PSMC2: variants seen among roughly 807,000 people sequenced by gnomAD.
PSMC2 encodes the protein proteasome 26S subunit, ATPase 2.
PSMC2 carries 7 observed loss-of-function variants against 53.3 expected under a neutral mutation model. That is an observed-to-expected ratio of 0.13 (90% CI 0.07 to 0.25). The LOEUF is 0.25. Ranked by LOEUF, PSMC2 falls within the 10% of genes least tolerant of loss-of-function variation. PSMC2 has a pLI of 1.00. For synonymous variants in PSMC2, 169 were observed against 183.9 expected (o/e 0.92, Z 0.66); for missense variants, 241 against 544.0 (o/e 0.44, Z 5.54).
At chr7:103,354,804 A>G (rs1313445510) in intron 2 of PSMC2, 64 bp from the exon 3 acceptor site, 3 of 1,032,940 alleles carry the variant, frequency 2.9e-6, no homozygotes, top group East Asian at 4.9e-5. Context: ...AATAATTTTT[A>G]CCTGTAGTTT....
intron 1 of PSMC2, chr7:103,348,605 G>A: frequency 9.2e-7 from 1 of 1,083,690 alleles, no homozygotes; most frequent in East Asian, 2.4e-5. Flanking sequence ...ACCAAGATGG[G>A]TCACCAGAAG....
At chr7:103,356,338 C>T (rs1820031267) in intron 4 of PSMC2, among the ~76,000 whole-genome samples, 1 of 152,152 alleles carries the variant, frequency 6.6e-6, no homozygotes, top group Admixed American at 6.5e-5. Context: ...AAATGTTTCT[C>T]AGTGTATGTG....
At chr7:103,353,431 T>C (rs1734696770) in intron 1 of PSMC2, among the ~76,000 whole-genome samples, 1 of 152,152 alleles carries the variant, frequency 6.6e-6, no homozygotes, top group South Asian at 2.1e-4. Flanking sequence ...TTCAGCCTCC[T>C]GAGTAGCTGG....
upstream of PSMC2, chr7:103,347,553 G>C (rs1230528198): frequency 2.7e-6 from 2 of 727,366 alleles, no homozygotes; most frequent in East Asian, 5.5e-5. Context: ...GCGTGCCAAA[G>C]CGTTTCCCCA....
rs749655633 is a variant in PSMC2 at position 103,362,701 on chromosome 7, A to G, written c.438A>G (p.Lys146=). ...EGMRVGVDRN[K]YQIHIPLPPK... Reference sequence around the variant, plus strand: ...ACTTCCTTAGCGTGGATAGAAATAAATATCAAATTCACATTCCATTGCCTC... The same window carrying G: ...ACTTCCTTAGCGTGGATAGAAATAAGTATCAAATTCACATTCCATTGCCTC... Residue 146 remains lysine, a synonymous_variant, in exon 6 of 12, where the codon AAA becomes AAG. Coordinates refer to ENST00000292644, the MANE Select transcript of PSMC2 (RefSeq NM_002803.4). The G allele has an allele frequency of 6.2e-7, 1 of 1,605,552 alleles. No homozygotes were observed. The highest frequency in any genetic ancestry group is 1.7e-5 in the Admixed American group (1 of 59,988).
At position 103,367,844 on chromosome 7, in the gene PSMC2, T is replaced by C. The variant is rs191056314; in HGVS notation, c.1144+35T>C. Reference sequence around the variant, plus strand: ...AAGTTCTTGCTTATATTTGCTGGTCTGTCTGCTCAGGCTGCTTTAATTAAG... The same window carrying C: ...AAGTTCTTGCTTATATTTGCTGGTCCGTCTGCTCAGGCTGCTTTAATTAAG... On this transcript the variant is annotated intron_variant, in intron 11 of 11. Coordinates refer to ENST00000292644, the MANE Select transcript of PSMC2 (RefSeq NM_002803.4). This position sits in a 1 kb window ranked among gnomAD's most constrained non-coding sequence, Gnocchi z 6.1. 239 of 1,612,664 alleles carry C rather than the reference T, an allele frequency of 1.5e-4. No individual in the cohort carries two copies. In the African/African-American group the frequency reaches 2.9e-3, roughly 19 times the overall value.
At chr7:103,348,875 A>G (rs1819666398) in intron 1 of PSMC2, 2 of 514,492 alleles carry the variant, frequency 3.9e-6, no homozygotes, top group Admixed American at 3.0e-5. Flanking sequence ...AATCTTGTTT[A>G]TGTAACTTTT....
intron 1 of PSMC2, among the ~76,000 whole-genome samples, chr7:103,350,362 G>C (rs1321458128): frequency 6.6e-6 from 1 of 152,060 alleles, no homozygotes; most frequent in East Asian, 1.9e-4. Context: ...AGAAATAATT[G>C]TATTTACTTC....
chr7:103,347,770 A>G lies in PSMC2; in HGVS notation c.59A>G (p.Lys20Arg), dbSNP rs1184109527. ...ACCAAAGAGGATGAGAAGGACGACA[A>G]GCCCATCCGAGGTCAGTTGACATGG... ...RKTKEDEKDD[K>R]PIRALDEGDI... Residue 20 changes from lysine (K) to arginine (R), a missense_variant, in exon 1 of 12, where the codon AAG becomes AGG. By Grantham distance (26) the Lys-to-Arg change is conservative. Coordinates refer to ENST00000292644, the MANE Select transcript of PSMC2 (RefSeq NM_002803.4). The G allele has an allele frequency of 6.2e-7, 1 of 1,613,910 alleles. No individual in the cohort carries two copies. Among genetic ancestry groups the G allele is most frequent in the East Asian group, 2.2e-5 (1 of 44,880 alleles).
chr7:103,351,501 G>A (rs576805745), intron 1 of PSMC2, among the ~76,000 whole-genome samples: 5 of 152,190 alleles, frequency 3.3e-5, no homozygotes, highest in Non-Finnish European at 7.3e-5. Context: ...AGGCATCTCT[G>A]CCTAGAACAT....
Position 103,364,229 on chromosome 7 carries a change from G to A in PSMC2, c.678G>A (p.Ala226=), listed in dbSNP as rs750692030. ...CCGGTACAGGCAAGACACTCTGTGC[G>A]CGGGCAGTTGCTAATCGGACTGATG... ...GPPGTGKTLC[A]RAVANRTDAC... is the part of the protein sequence containing the mutation. The change falls in exon 8 of 12, where the codon GCG becomes GCA. Residue 226 remains alanine (A), a synonymous_variant. Transcript: ENST00000292644. 18 of 1,614,062 alleles carry A rather than the reference G, an allele frequency of 1.1e-5. 1 individual carries two copies. Among genetic ancestry groups the A allele is most frequent in the African/African-American group, 8.0e-5 (6 of 74,916 alleles).
rs1276465596 is a variant in PSMC2 at position 103,353,909 on chromosome 7, C to G, written c.71-12C>G. 1.9e-6 allele frequency: 3 copies of G among 1,601,594 alleles called. No individual in the cohort carries two copies. Among genetic ancestry groups the G allele is most frequent in the Non-Finnish European group, 2.6e-6 (3 of 1,172,162 alleles). Reference sequence around the variant, plus strand: ...TCTTTTTGAATCTCACGTATTGTCTCTCTTCTTTCAGCTCTGGATGAGGGG... The same window carrying G: ...TCTTTTTGAATCTCACGTATTGTCTGTCTTCTTTCAGCTCTGGATGAGGGG... On this transcript the variant is annotated splice_polypyrimidine_tract_variant and intron_variant, in intron 1 of 11. Coordinates refer to ENST00000292644, the MANE Select transcript of PSMC2 (RefSeq NM_002803.4).
At chr7:103,360,539 G>A (rs1165799494) in intron 4 of PSMC2, among the ~76,000 whole-genome samples, 1 of 152,178 alleles carries the variant, frequency 6.6e-6, no homozygotes, top group African/African-American at 2.4e-5. Flanking sequence ...GACTACAGGT[G>A]CATCCCACCA....
chr7:103,360,748 C>T (rs1034379270), intron 4 of PSMC2, among the ~76,000 whole-genome samples: 1 of 152,166 alleles, frequency 6.6e-6, no homozygotes, highest in African/African-American at 2.4e-5. Flanking sequence ...CTATTTTATA[C>T]TGTGATGTGC....
At chr7:103,355,869 T>G in intron 4 of PSMC2, 76 bp downstream of exon 4, 2 of 957,844 alleles carry the variant, frequency 2.1e-6, no homozygotes, top group Non-Finnish European at 3.1e-6. Context: ...TCAGGGATAA[T>G]GCAATAGTTC....
chr7:103,351,627 C>G (rs1288199313), intron 1 of PSMC2, among the ~76,000 whole-genome samples: 1 of 152,196 alleles, frequency 6.6e-6, no homozygotes, highest in Non-Finnish European at 1.5e-5. Flanking sequence ...GGTAGGAACC[C>G]TCTGAAATTG....
At chr7:103,359,577 A>G (rs901250283) in intron 4 of PSMC2, among the ~76,000 whole-genome samples, 26 of 152,146 alleles carry the variant, frequency 1.7e-4, no homozygotes, top group Non-Finnish European at 2.9e-4. Flanking sequence ...ATCTAAATGG[A>G]ATCATATAGT....
At chr7:103,356,803 T>C (rs924734403) in intron 4 of PSMC2, among the ~76,000 whole-genome samples, 1 of 152,228 alleles carries the variant, frequency 6.6e-6, no homozygotes, top group African/African-American at 2.4e-5. Flanking sequence ...ATTTCCATTA[T>C]ACCTTTTGGG....
In PSMC2 at chr7:103,366,183, G is replaced by GT; in HGVS notation, c.844+20_844+21insT. 6.3e-7 allele frequency: 1 copy of GT among 1,578,918 alleles called. No homozygotes were observed. The highest frequency in any genetic ancestry group is 2.2e-5 in the East Asian group (1 of 44,692). On this transcript the variant is annotated intron_variant, in intron 9 of 11. Transcript: ENST00000292644. ...TTGGAGGTGAGAATGATACGTTAGA[G>GT]AACTGCTTTAGGATTCAGTTTCATG... is the stretch of plus-strand genomic sequence containing the variant.
Sources: allele counts gnomAD v4.1 joint callset (sites outside exome capture counted in the v4.1 genomes callset), GRCh38; gene constraint gnomAD v4.1.1; non-coding constraint Gnocchi (gnomAD v3.1); transcripts MANE v1.5; gene names NCBI Gene and HGNC (gene_info 2026-07-23, HGNC 2026-07-21).